CHD9: variants seen among roughly 807,000 people sequenced by gnomAD.
CHD9 encodes the protein ATP-dependent chromatin remodeler CHD9.
A neutral mutation model predicts 316.1 loss-of-function variants in CHD9; 77 were observed. The observed-to-expected ratio is 0.24, with a 90% CI of 0.20 to 0.29. CHD9 has a LOEUF of 0.29. Ranked by LOEUF, CHD9 falls within the 10% of genes least tolerant of loss-of-function variation. The probability of loss-of-function intolerance (pLI) is 1.00; values close to 1 mark genes in which losing one functional copy is unlikely to be tolerated. For missense variants in CHD9, 2,763 were observed against 3,438.1 expected (o/e 0.80, Z 4.91); for synonymous variants, 1,129 against 1,158.3 (o/e 0.97, Z 0.51).
intron 1 of CHD9, among the ~76,000 whole-genome samples, chr16:53,153,178 G>A (rs1238676213): frequency 2.6e-5 from 4 of 152,158 alleles, no homozygotes; most frequent in Non-Finnish European, 2.9e-5. Flanking sequence ...AGAGAGAATG[G>A]CAACAAGTAA....
At chr16:53,133,862 G>A (rs1261256694) in intron 1 of CHD9, among the ~76,000 whole-genome samples, 2 of 152,112 alleles carry the variant, frequency 1.3e-5, no homozygotes, top group Admixed American at 6.5e-5. Context: ...TTTACCTCTG[G>A]AAACAGGATA....
intron 8 of CHD9, among the ~76,000 whole-genome samples, chr16:53,229,902 T>C (rs931670484): frequency 5.9e-5 from 9 of 152,206 alleles, no homozygotes; most frequent in African/African-American, 2.2e-4. Flanking sequence ...CATATTTCAC[T>C]AATTGTTCCA....
chr16:53,201,992 C>A (rs62048048), intron 2 of CHD9, among the ~76,000 whole-genome samples: 42,185 of 151,542 alleles, frequency 0.28, 5,955 homozygotes, highest in Middle Eastern at 0.32. Flanking sequence ...CCAAGCAACT[C>A]GGACTACAGA....
At chr16:53,181,284 T>G (rs1275747967) in intron 2 of CHD9, among the ~76,000 whole-genome samples, 1 of 152,184 alleles carries the variant, frequency 6.6e-6, no homozygotes, top group Non-Finnish European at 1.5e-5. Flanking sequence ...GTGCTGGGAT[T>G]ATAGATGGGA....
At chr16:53,293,106 C>A in intron 29 of CHD9, 54 bp downstream of exon 29, 2 of 1,437,028 alleles carry the variant, frequency 1.4e-6, no homozygotes, top group South Asian at 1.2e-5. Flanking sequence ...GCTGTTCATT[C>A]TAAAGCCTGT....
chr16:53,280,403 T>C lies in CHD9; in HGVS notation c.4968-5193T>C, dbSNP rs1452004540. On this transcript the variant is annotated intron_variant, in intron 24 of 38. Coordinates refer to ENST00000447540, the MANE Select transcript of CHD9 (RefSeq NM_001308319.2). ...AACCTTGGGGGATAGGAGACTATTA[T>C]TCTAAGTGAAGTAACTCAGGAATGG... Among the ~76,000 whole-genome samples, 5 of 152,274 alleles carry C rather than the reference T, an allele frequency of 3.3e-5. No homozygotes were observed. The East Asian group carries it at 9.6e-4, about 29-fold the overall frequency.
At chr16:53,083,620 T>G (rs1335395295) in intron 1 of CHD9, among the ~76,000 whole-genome samples, 1 of 152,144 alleles carries the variant, frequency 6.6e-6, no homozygotes. Context: ...CTGCCAAAGG[T>G]GTCTTTCAGC....
intron 2 of CHD9, among the ~76,000 whole-genome samples, chr16:53,173,374 G>A (rs902845031): frequency 3.3e-5 from 5 of 151,904 alleles, no homozygotes; most frequent in Non-Finnish European, 5.9e-5. Flanking sequence ...AATTAATTAT[G>A]TACATTTCTG....
At position 53,263,067 on chromosome 16, in the gene CHD9, A is replaced by G. The variant is rs772092853; in HGVS notation, c.4290A>G (p.Ala1430=). The G allele has an allele frequency of 3.1e-6, 5 of 1,612,622 alleles. No individual in the cohort carries two copies. The East Asian group carries it at 1.1e-4, about 36-fold the overall frequency. Residue 1430 remains alanine (A), a synonymous_variant, in exon 20 of 39, where the codon GCA becomes GCG. Transcript: ENST00000447540. The part of the protein sequence containing the change: ...PNFWQKWAKK[A]EIDIEAISGR... Reference sequence around the variant, plus strand: ...TCTGGCAAAAATGGGCTAAAAAGGCAGAAATAGATATAGAGGCCATCAGTG... The same window carrying G: ...TCTGGCAAAAATGGGCTAAAAAGGCGGAAATAGATATAGAGGCCATCAGTG...
At chr16:53,255,936 G>C (rs549080952) in intron 19 of CHD9, among the ~76,000 whole-genome samples, 157 bp downstream of exon 19, 2 of 152,194 alleles carry the variant, frequency 1.3e-5, no homozygotes, top group Admixed American at 1.3e-4. Flanking sequence ...GATCCCTTAT[G>C]TTAATTTCAC....
At chr16:53,128,527 A>G (rs759231245) in intron 1 of CHD9, among the ~76,000 whole-genome samples, 2 of 152,130 alleles carry the variant, frequency 1.3e-5, no homozygotes, top group Non-Finnish European at 2.9e-5. Flanking sequence ...AGGGACCTAG[A>G]GAGTGTGGCC....
chr16:53,168,743 G>C (rs2042454829), intron 2 of CHD9: 1 of 152,210 alleles, frequency 6.6e-6, no homozygotes, highest in Non-Finnish European at 1.5e-5. Flanking sequence ...ACTATTTTTG[G>C]GAGTGGAGGG....
At chr16:53,130,049 C>T (rs760265785) in intron 1 of CHD9, among the ~76,000 whole-genome samples, 1 of 152,174 alleles carries the variant, frequency 6.6e-6, no homozygotes, top group Non-Finnish European at 1.5e-5. Flanking sequence ...TAAATTCTTG[C>T]GTTTATTTTT....
intron 12 of CHD9, among the ~76,000 whole-genome samples, chr16:53,241,269 C>T (rs2049058862): frequency 6.6e-6 from 1 of 152,210 alleles, no homozygotes; most frequent in South Asian, 2.1e-4. Flanking sequence ...TTCATCCTGT[C>T]CTACATCACC....
At chr16:53,132,030 T>C (rs1027512532) in intron 1 of CHD9, among the ~76,000 whole-genome samples, 2 of 152,204 alleles carry the variant, frequency 1.3e-5, no homozygotes, top group Non-Finnish European at 2.9e-5. Context: ...CCCGGGTGTC[T>C]CACTGGCTGT....
At chr16:53,314,072 T>C (rs1433437601) in intron 34 of CHD9, among the ~76,000 whole-genome samples, 1 of 151,798 alleles carries the variant, frequency 6.6e-6, no homozygotes, top group Non-Finnish European at 1.5e-5. Context: ...AACTAATGGG[T>C]TCAAAGAAAG....
intron 1 of CHD9, among the ~76,000 whole-genome samples, chr16:53,120,539 G>C (rs2038669114): frequency 6.6e-6 from 1 of 152,102 alleles, no homozygotes; most frequent in Admixed American, 6.5e-5. Flanking sequence ...CTTGAAACCG[G>C]GAGGCGGAGG....
intron 3 of CHD9, among the ~76,000 whole-genome samples, chr16:53,213,688 C>T (rs1326306276): frequency 2.6e-5 from 4 of 152,092 alleles, no homozygotes; most frequent in Admixed American, 6.5e-5. Context: ...TTTAGATTAT[C>T]GAATGGGATT....
At chr16:53,132,837 C>A (rs2039429883) in intron 1 of CHD9, among the ~76,000 whole-genome samples, 1 of 111,618 alleles carries the variant, frequency 9.0e-6, no homozygotes, top group Non-Finnish European at 1.6e-5. Flanking sequence ...GAGACGGAGT[C>A]TCGCTCTGTC....
Sources: allele counts gnomAD v4.1 joint callset (sites outside exome capture counted in the v4.1 genomes callset), GRCh38; gene constraint gnomAD v4.1.1; transcripts MANE v1.5; gene names NCBI Gene and HGNC (gene_info 2026-07-23, HGNC 2026-07-21).